Variants in JMJD1C observed in about 807,000 individuals in gnomAD.
The protein encoded by JMJD1C is jumonji domain-containing protein 1C.
JMJD1C carries 31 observed loss-of-function variants against 245.3 expected under a neutral mutation model. That is an observed-to-expected ratio of 0.13 (90% CI 0.09 to 0.17). The LOEUF (loss-of-function observed/expected upper bound fraction) is 0.17. Among genes scored for constraint, JMJD1C ranks in the 10% least tolerant of loss-of-function variants. The pLI, the probability that JMJD1C is intolerant of heterozygous loss-of-function variation, is 1.00. For missense variants in JMJD1C, 2,691 were observed against 3,000.2 expected (o/e 0.90, Z 2.41); for synonymous variants, 1,057 against 1,017.4 (o/e 1.04, Z -0.74).
chr10:63,223,519 C>T (rs1171012910), intron 3 of JMJD1C, among the ~76,000 whole-genome samples: 4 of 152,140 alleles, frequency 2.6e-5, no homozygotes, highest in South Asian at 2.1e-4. Context: ...TGAGCCATCA[C>T]GCCTGGCTAT....
intron 2 of JMJD1C, among the ~76,000 whole-genome samples, chr10:63,357,906 T>C (rs1344054885): frequency 6.9e-6 from 1 of 144,494 alleles, no homozygotes; most frequent in Non-Finnish European, 1.5e-5. Context: ...GCACTTTTAG[T>C]ACCCAAAACA....
intron 1 of JMJD1C, among the ~76,000 whole-genome samples, chr10:63,516,260 G>C (rs1233165328): frequency 6.7e-6 from 1 of 148,486 alleles, no homozygotes; most frequent in Non-Finnish European, 1.5e-5. Flanking sequence ...CCTGGGAACA[G>C]AGACTGCCTG....
At chr10:63,284,182 G>A (rs1017997786) in intron 2 of JMJD1C, among the ~76,000 whole-genome samples, 3 of 151,858 alleles carry the variant, frequency 2.0e-5, no homozygotes, top group African/African-American at 7.3e-5. Flanking sequence ...GCACCAACAC[G>A]CCTGGCTAAT....
At chr10:63,460,985 T>C (rs1256177005) in intron 1 of JMJD1C, among the ~76,000 whole-genome samples, 1 of 152,188 alleles carries the variant, frequency 6.6e-6, no homozygotes, top group African/African-American at 2.4e-5. Context: ...TGCCAGAACA[T>C]ATAGATGATG....
chr10:63,249,800 C>T (rs1323968793), intron 3 of JMJD1C, among the ~76,000 whole-genome samples: 1 of 151,566 alleles, frequency 6.6e-6, no homozygotes, highest in African/African-American at 2.4e-5. Context: ...GCAGAGTTCG[C>T]ACTGGGCCAA....
At chr10:63,386,468 CA>C in intron 1 of JMJD1C, among the ~76,000 whole-genome samples, 1 of 152,358 alleles carries the variant, frequency 6.6e-6, no homozygotes, top group South Asian at 2.1e-4. Context: ...CACAAACAAT[CA>C]GGGAACCTGA....
chr10:63,189,439 T>C lies in JMJD1C; in HGVS notation c.6299A>G (p.Lys2100Arg), dbSNP rs1194844408. 2 of 1,609,832 alleles carry C rather than the reference T, an allele frequency of 1.2e-6. No homozygotes were observed. Among genetic ancestry groups the C allele is most frequent in the South Asian group, 2.2e-5 (2 of 90,346 alleles). The change falls in exon 18 of 26, where the codon AAA becomes AGA. Residue 2100 changes from lysine (K) to arginine (R), a missense_variant. By Grantham distance (26) the Lys-to-Arg change is conservative (BLOSUM62 2). Around this residue, in one of 9 missense-constraint regions of JMJD1C, gnomAD observed 275 missense variants for 285.5 expected, o/e 0.96. Coordinates refer to ENST00000399262, the MANE Select transcript of JMJD1C (RefSeq NM_032776.3). ...PVYSMGAPSSKSGRTMPNILD... is the reference protein window; with the variant it reads ...PVYSMGAPSSRSGRTMPNILD... ...AATGTTAGGCATAGTCCGTCCACTT[T>C]TGCTACTCTATTAAGGAAAAAACAA...
chr10:63,418,773 A>G (rs1949941663), intron 1 of JMJD1C, among the ~76,000 whole-genome samples: 1 of 152,136 alleles, frequency 6.6e-6, no homozygotes, highest in South Asian at 2.1e-4. Flanking sequence ...AAACATTCCC[A>G]TGACCATTAA....
In JMJD1C at chr10:63,207,431, C is replaced by T. The variant is rs1846766617; in HGVS notation, c.4238G>A (p.Gly1413Asp). The change falls in exon 10 of 26, where the codon GGT becomes GAT. Residue 1413 changes from glycine to aspartate, a missense_variant. Transcript: ENST00000399262. ...TGATAAAGAGGAAATTACTTCTGAACCACCCCAGCTGGAAACACTGGTAGT... is the reference window on the plus strand; with the variant it reads ...TGATAAAGAGGAAATTACTTCTGAATCACCCCAGCTGGAAACACTGGTAGT... ...ADTTSVSSWG[G>D]SEVISSLSNT... The T allele has an allele frequency of 6.2e-7, 1 of 1,614,060 alleles. No individual in the cohort carries two copies. Among genetic ancestry groups the T allele is most frequent in the Admixed American group, 1.7e-5 (1 of 60,002 alleles).
intron 2 of JMJD1C, among the ~76,000 whole-genome samples, chr10:63,306,988 T>A (rs949750782): frequency 6.6e-6 from 1 of 152,248 alleles, no homozygotes; most frequent in Admixed American, 6.5e-5. Flanking sequence ...GATATTGCTA[T>A]GCTTGTACTC....
intron 1 of JMJD1C, among the ~76,000 whole-genome samples, chr10:63,464,448 T>A (rs956308055): frequency 1.3e-5 from 2 of 149,060 alleles, no homozygotes; most frequent in African/African-American, 2.5e-5. Context: ...GGGAAAAAAA[T>A]TTCCTAAATT....
chr10:63,201,579 G>A (rs538241759), intron 10 of JMJD1C, among the ~76,000 whole-genome samples: 37 of 152,244 alleles, frequency 2.4e-4, no homozygotes, highest in Admixed American at 1.2e-3. Context: ...TTTCTGGACC[G>A]AGAGGAACTC....
chr10:63,463,649 T>G (rs915997638), intron 1 of JMJD1C, among the ~76,000 whole-genome samples: 2 of 152,124 alleles, frequency 1.3e-5, no homozygotes, highest in Non-Finnish European at 2.9e-5. Flanking sequence ...AATTTTCAAA[T>G]AAAGACAGAT....
At chr10:63,365,511 C>T (rs1188305269) in intron 2 of JMJD1C, among the ~76,000 whole-genome samples, 1 of 152,130 alleles carries the variant, frequency 6.6e-6, no homozygotes, top group Non-Finnish European at 1.5e-5. Flanking sequence ...TGGCTCAAGC[C>T]TGTAATCTCA....
At chr10:63,174,758 C>A (rs1442694836) in intron 24 of JMJD1C, among the ~76,000 whole-genome samples, 1 of 151,896 alleles carries the variant, frequency 6.6e-6, no homozygotes, top group Non-Finnish European at 1.5e-5. Context: ...CGCTTGAACC[C>A]GGAAGGCAGA....
Position 63,215,627 on chromosome 10 carries a change from A to T in JMJD1C, c.748T>A (p.Leu250Met). Residue 250 changes from leucine to methionine, a missense_variant, in exon 6 of 26, where the codon TTG (leucine) becomes ATG (methionine). This residue lies in a region of JMJD1C where 172 missense variants were observed against 240.8 expected (regional missense o/e 0.71). Coordinates refer to ENST00000399262, the MANE Select transcript of JMJD1C (RefSeq NM_032776.3). ...MTFLDDVVHS[L>M]LKGENIGITS... ...ATGCCAATATTTTCACCTTTTAACA[A>T]AGAGTGAACAACATCATCTAGAAAG... The T allele has an allele frequency of 6.2e-7, 1 of 1,611,068 alleles. No individual in the cohort carries two copies. The highest frequency in any genetic ancestry group is 1.7e-4 in the Middle Eastern group (1 of 6,054).
chr10:63,482,456 C>T lies in JMJD1C; in HGVS notation n.113+39282G>A, dbSNP rs144709058. Among the ~76,000 whole-genome samples the T allele has an allele frequency of 2.6e-3, 388 of 152,010 alleles. 3 individuals carry two copies. In the South Asian group the frequency reaches 0.029, roughly 11 times the overall value. ...TTCAAGACCAGCCTGGACAACATGG[C>T]GAAACCTAGTCTGTACTAAAAATAC... is the stretch of plus-strand genomic sequence containing the variant. On this transcript the variant is annotated intron_variant and non_coding_transcript_variant, in intron 1 of 3. Coordinates refer to the JMJD1C transcript ENST00000633035.
Position 63,193,353 on chromosome 10 carries a change from C to T in JMJD1C, c.5854G>A (p.Val1952Ile), listed in dbSNP as rs778331836. 5.6e-6 allele frequency: 9 copies of T among 1,597,218 alleles called. No individual in the cohort carries two copies. Among genetic ancestry groups the T allele is most frequent in the South Asian group, 1.1e-5 (1 of 87,330 alleles). Residue 1952 changes from valine (V) to isoleucine (I), a missense_variant, in exon 15 of 26, where the codon GTA becomes ATA. Val to Ile is a conservative substitution (Grantham distance 29). This residue lies in a region of JMJD1C where 275 missense variants were observed against 285.5 expected (regional missense o/e 0.96). Transcript: ENST00000399262. ...QVGNFPTMNG[V>I]SQVLQNVLNH... ...CAGAGATTTTTACTCACTTGAGATA[C>T]ACCATTCATTGTAGGAAAATTTCCA...
At chr10:63,187,221 C>A (rs1340439487) in intron 18 of JMJD1C, among the ~76,000 whole-genome samples, 2 of 151,780 alleles carry the variant, frequency 1.3e-5, no homozygotes, top group East Asian at 3.9e-4. Context: ...TTTCAATGAG[C>A]CAATAATATA....
Sources: allele counts gnomAD v4.1 joint callset (sites outside exome capture counted in the v4.1 genomes callset), GRCh38; gene constraint gnomAD v4.1.1; regional missense constraint gnomAD v4.1.1; transcripts MANE v1.5; gene names NCBI Gene and HGNC (gene_info 2026-07-23, HGNC 2026-07-21).